ANKUB1: variants seen among roughly 807,000 people sequenced by gnomAD.
ANKUB1 encodes protein ANKUB1.
ANKUB1 carries 42 observed loss-of-function variants against 49.3 expected under a neutral mutation model. The ratio of observed to expected loss-of-function variants is 0.85; its 90% CI spans 0.67 to 1.10. The LOEUF (loss-of-function observed/expected upper bound fraction) is 1.10. Ranked by LOEUF, ANKUB1 falls within the 50% of genes least tolerant of loss-of-function variation. The probability of loss-of-function intolerance (pLI) is 0.00; values close to 1 mark genes in which losing one functional copy is unlikely to be tolerated. For synonymous variants in ANKUB1, 222 were observed against 231.0 expected, an observed-to-expected ratio of 0.96 and a Z score of 0.35; for missense variants, 613 against 642.0, an observed-to-expected ratio of 0.95 and a Z score of 0.49.
At chr3:149,780,522 G>A (rs755480145) in intron 2 of ANKUB1, 67 bp from the exon 3 acceptor site, 19 of 1,277,136 alleles carry the variant, frequency 1.5e-5, no homozygotes, top group Non-Finnish European at 2.1e-5. Flanking sequence ...CATTTCAGAG[G>A]GTAGCTTTGA....
Position 149,768,212 on chromosome 3 carries a change from T to C in ANKUB1, c.567-117A>G, listed in dbSNP as rs957198382. ...TGAATGTTTATTTCTTCTTAACTTTTACCTTAAAATATTTTTAGAAAAGGC... is the reference window on the plus strand; with the variant it reads ...TGAATGTTTATTTCTTCTTAACTTTCACCTTAAAATATTTTTAGAAAAGGC... On this transcript the variant is annotated intron_variant, in intron 4 of 5. Coordinates refer to ENST00000446160, the MANE Select transcript of ANKUB1 (RefSeq NM_001144960.3). 8.9e-6 allele frequency: 7 copies of C among 790,208 alleles called. No individual in the cohort carries two copies. In the African/African-American group the frequency reaches 1.2e-4, roughly 14 times the overall value. 48.9% of individuals were successfully genotyped at this position (790,208 alleles called of 1,614,324 possible). A position where few individuals can be genotyped will look rare whatever the true frequency, so the allele number is the denominator to read the frequency against.
At chr3:149,775,730 A>G (rs968086115) in intron 3 of ANKUB1, among the ~76,000 whole-genome samples, 2 of 152,196 alleles carry the variant, frequency 1.3e-5, no homozygotes, top group African/African-American at 4.8e-5. Context: ...TGTTTCAGAA[A>G]GGATGAATGC....
chr3:149,782,003 A>G (rs900077039), intron 2 of ANKUB1, among the ~76,000 whole-genome samples: 6 of 152,326 alleles, frequency 3.9e-5, no homozygotes, highest in African/African-American at 1.4e-4. Flanking sequence ...CTATGGTTCC[A>G]TAAGGGAAGT....
intron 3 of ANKUB1, among the ~76,000 whole-genome samples, chr3:149,771,087 A>G (rs1439744665): frequency 2.0e-5 from 3 of 152,210 alleles, no homozygotes; most frequent in Non-Finnish European, 2.9e-5. Flanking sequence ...GAGGGAGTGG[A>G]AAGATGCTCA....
intron 4 of ANKUB1, among the ~76,000 whole-genome samples, chr3:149,769,054 C>T (rs1717204461): frequency 6.6e-6 from 1 of 152,108 alleles, no homozygotes; most frequent in East Asian, 1.9e-4. Flanking sequence ...AATATCACTA[C>T]CCCACAATAG....
Position 149,770,573 on chromosome 3 carries a change from C to T in ANKUB1, c.553G>A (p.Gly185Arg). Residue 185 changes from glycine to arginine, a missense_variant, in exon 4 of 6, where the codon GGA becomes AGA. By Grantham distance (125) the Gly-to-Arg change is moderately radical (BLOSUM62 -2). Transcript: ENST00000446160. ...AATTTCTCATACTTGAGTACTGGTC[C>T]TTCTTTTGATAAGTAGCGTTGGACT... Reference protein sequence around the residue: ...LKVQRYLSKEGPVLKYQKRVA... With the variant: ...LKVQRYLSKERPVLKYQKRVA... 1 of 1,545,370 alleles carries T rather than the reference C, an allele frequency of 6.5e-7. No individual in the cohort carries two copies. The highest frequency in any genetic ancestry group is 8.7e-7 in the Non-Finnish European group (1 of 1,143,780).
Position 149,767,528 on chromosome 3 carries a change from T to C in ANKUB1, c.1134A>G (p.Pro378=), listed in dbSNP as rs1717094877. The part of the protein sequence containing the change: ...SDSQSIVLKL[P]SLSKQTASSK... ...TGCTTGCAGTTTGTTTGCTGAGAGA[T>C]GGTAGCTTGAGCACGATGCTTTGTG... is the stretch of plus-strand genomic sequence containing the variant. Residue 378 remains proline (P), a synonymous_variant, in exon 5 of 6, where the codon CCA becomes CCG. Coordinates refer to ENST00000446160, the MANE Select transcript of ANKUB1 (RefSeq NM_001144960.3). 5.8e-6 allele frequency: 9 copies of C among 1,551,550 alleles called. No homozygotes were observed. The highest frequency in any genetic ancestry group is 6.1e-6 in the Non-Finnish European group (7 of 1,146,994).
chr3:149,771,026 C>T (rs1185379769), intron 3 of ANKUB1, among the ~76,000 whole-genome samples: 1 of 152,180 alleles, frequency 6.6e-6, no homozygotes, highest in African/African-American at 2.4e-5. Flanking sequence ...ACTAAGGAAC[C>T]TGTGGCAGGA....
At chr3:149,769,566 C>A (rs1187352658) in intron 4 of ANKUB1, among the ~76,000 whole-genome samples, 2 of 152,158 alleles carry the variant, frequency 1.3e-5, no homozygotes, top group African/African-American at 2.4e-5. Flanking sequence ...ATTTAATACA[C>A]CTAATCTACT....
chr3:149,787,119 G>C (rs551388361), intron 2 of ANKUB1, among the ~76,000 whole-genome samples: 1 of 152,256 alleles, frequency 6.6e-6, no homozygotes, highest in South Asian at 2.1e-4. Context: ...GAAAGTCACT[G>C]GTAGCTTGAT....
At chr3:149,786,502 T>C (rs1218748013) in intron 2 of ANKUB1, among the ~76,000 whole-genome samples, 1 of 152,216 alleles carries the variant, frequency 6.6e-6, no homozygotes, top group Non-Finnish European at 1.5e-5. Context: ...GATGGGTAGA[T>C]TGTAAAAATT....
chr3:149,763,998 C>A (rs950722139), intron 5 of ANKUB1: 3 of 456,156 alleles, frequency 6.6e-6, no homozygotes, highest in African/African-American at 6.0e-5. Context: ...TTCTGTAAAA[C>A]AGGAACATCT....
At position 149,792,291 on chromosome 3, in the gene ANKUB1, T is replaced by C; in HGVS notation, c.76A>G (p.Lys26Glu). ...GAAGTACATACCTTTATCATCAGCT[T>C]GACAACCTCCACAGTTTCATCTGCT... ...VSADETVEVV[K>E]LMIKDYFHIP... is the part of the protein sequence containing the mutation. The change falls in exon 1 of 6, where the codon AAG becomes GAG. Residue 26 changes from lysine to glutamate, a missense_variant. Physicochemically the swap from Lys to Glu is moderately conservative, Grantham distance 56. Coordinates refer to ENST00000446160, the MANE Select transcript of ANKUB1 (RefSeq NM_001144960.3). 1 of 1,525,528 alleles carries C rather than the reference T, an allele frequency of 6.6e-7. No individual in the cohort carries two copies. The highest frequency in any genetic ancestry group is 8.8e-7 in the Non-Finnish European group (1 of 1,133,674). 94.5% of individuals were successfully genotyped at this position (1,525,528 alleles called of 1,614,324 possible).
At chr3:149,791,949 A>C (rs1718377121) in intron 1 of ANKUB1, among the ~76,000 whole-genome samples, 1 of 152,194 alleles carries the variant, frequency 6.6e-6, no homozygotes. Context: ...ATATAGCCTG[A>C]AGTTGGTGTC....
At chr3:149,771,406 C>G (rs1706234429) in intron 3 of ANKUB1, among the ~76,000 whole-genome samples, 1 of 152,200 alleles carries the variant, frequency 6.6e-6, no homozygotes, top group Non-Finnish European at 1.5e-5. Context: ...TGACCTTTCA[C>G]CTGTCCTCAC....
intron 2 of ANKUB1, among the ~76,000 whole-genome samples, chr3:149,785,867 A>G (rs1269375902): frequency 6.6e-6 from 1 of 152,206 alleles, no homozygotes; most frequent in Non-Finnish European, 1.5e-5. Flanking sequence ...ACTAGTTTAC[A>G]GTCCCACCAA....
At chr3:149,765,024 T>C (rs1159151300) in intron 5 of ANKUB1, among the ~76,000 whole-genome samples, 2 of 152,192 alleles carry the variant, frequency 1.3e-5, no homozygotes, top group Non-Finnish European at 2.9e-5. Context: ...AGAACAATCA[T>C]GCATTTTTAT....
chr3:149,773,770 G>A (rs1559865383), intron 3 of ANKUB1, among the ~76,000 whole-genome samples: 1 of 151,868 alleles, frequency 6.6e-6, no homozygotes, highest in Non-Finnish European at 1.5e-5. Context: ...CCATACCGCA[G>A]CCTCCTTAGT....
In ANKUB1 at chr3:149,766,789, C is replaced by A. The variant is rs528523753; in HGVS notation, c.1505+368G>T. 6.4e-5 allele frequency: 70 copies of A among 1,095,840 alleles called. 14 individuals are homozygous for A. The highest frequency in any genetic ancestry group is 8.7e-5 in the Non-Finnish European group (66 of 755,992). 67.9% of individuals were successfully genotyped at this position (1,095,840 alleles called of 1,614,324 possible). A position where few individuals can be genotyped will look rare whatever the true frequency, so the allele number is the denominator to read the frequency against. On this transcript the variant is annotated intron_variant, in intron 5 of 5. Transcript: ENST00000446160. ...CTCCAGCCTGAGCAACAGAACGAGA[C>A]CCTGTCTCAAACAAAAAGAAAAAAG...
Sources: allele counts gnomAD v4.1 joint callset (sites outside exome capture counted in the v4.1 genomes callset), GRCh38; gene constraint gnomAD v4.1.1; transcripts MANE v1.5; gene names NCBI Gene and HGNC (gene_info 2026-07-23, HGNC 2026-07-21).